The following IL12RB2 variants were observed in gnomAD, a reference collection of about 807,000 sequenced individuals.
The protein encoded by IL12RB2 is interleukin 12 receptor subunit beta 2.
Under a neutral mutation model 89.4 loss-of-function variants are expected in IL12RB2, and 82 were observed. The observed-to-expected ratio is 0.92, with a 90% CI of 0.77 to 1.10. The LOEUF (loss-of-function observed/expected upper bound fraction) is 1.10. IL12RB2 is among the 50% of genes least tolerant of loss of function. The probability of loss-of-function intolerance (pLI) is 0.00; values close to 1 mark genes in which losing one functional copy is unlikely to be tolerated. For synonymous variants in IL12RB2, 368 were observed against 370.1 expected (o/e 0.99, Z 0.07); for missense variants, 963 against 1,031.9 (o/e 0.93, Z 0.92).
At position 67,339,941 on chromosome 1, in the gene IL12RB2, A is replaced by G. The variant is rs1659335554; in HGVS notation, c.1038+1238A>G. Among the ~76,000 whole-genome samples, 3 of 152,138 alleles carry G rather than the reference A, an allele frequency of 2.0e-5. No homozygotes were observed. The South Asian group carries it at 6.2e-4, about 32-fold the overall frequency. On this transcript the variant is annotated intron_variant, in intron 9 of 16. Transcript: ENST00000674203. ...GGTTTCCTGGTGAACTGCACTCTTTATTTCTCAGGACTCACATCCTCTTCA... is the reference window on the plus strand; with the variant it reads ...GGTTTCCTGGTGAACTGCACTCTTTGTTTCTCAGGACTCACATCCTCTTCA...
At chr1:67,374,476 CTT>C (rs34836285) in intron 13 of IL12RB2, among the ~76,000 whole-genome samples, 16 of 136,510 alleles carry the variant, frequency 1.2e-4, no homozygotes, top group Admixed American at 1.5e-4. Context: ...TCTGTTTATT[CTT>C]TTTTTTTTTT....
Position 67,326,829 on chromosome 1 carries a change from A to G in IL12RB2, c.459A>G (p.Leu153=). 6.2e-7 allele frequency: 1 copy of G among 1,613,448 alleles called. No homozygotes were observed. The highest frequency in any genetic ancestry group is 8.5e-7 in the Non-Finnish European group (1 of 1,179,556). The part of the protein sequence containing the change: ...CTWERGRDTH[L]YTEYTLQLSG... Reference sequence around the variant, plus strand: ...GGGAAAGAGGACGAGACACCCACTTATACACTGAGTATACTCTACAGTGAG... The same window carrying G: ...GGGAAAGAGGACGAGACACCCACTTGTACACTGAGTATACTCTACAGTGAG... Residue 153 remains leucine, a synonymous_variant, in exon 5 of 17, where the codon TTA becomes TTG. Transcript: ENST00000674203.
At chr1:67,334,533 C>T (rs1006805809) in intron 8 of IL12RB2, among the ~76,000 whole-genome samples, 4 of 152,214 alleles carry the variant, frequency 2.6e-5, no homozygotes, top group Non-Finnish European at 4.4e-5. Flanking sequence ...TGCTGGAGTG[C>T]AGTGGTGCGA....
chr1:67,395,970 C>T lies in IL12RB2; in HGVS notation c.2470C>T (p.Pro824Ser). The T allele has an allele frequency of 6.2e-7, 1 of 1,605,752 alleles. No individual in the cohort carries two copies. The highest frequency in any genetic ancestry group is 2.2e-5 in the East Asian group (1 of 44,844). ...PLADSLEELEPQHISLSVFPS... is the reference protein window; with the variant it reads ...PLADSLEELESQHISLSVFPS... The stretch of plus-strand genomic sequence containing the variant: ...CGCTGACTCTCTGGAAGAACTGGAG[C>T]CTCAGCACATCTCCCTTTCTGTTTT... Residue 824 changes from proline to serine, a missense_variant, in exon 17 of 17, where the codon CCT becomes TCT. Pro to Ser is a moderately conservative substitution (Grantham distance 74). Transcript: ENST00000674203.
At chr1:67,337,553 A>G (rs928668846) in intron 8 of IL12RB2, among the ~76,000 whole-genome samples, 3 of 152,202 alleles carry the variant, frequency 2.0e-5, no homozygotes, top group Non-Finnish European at 4.4e-5. Context: ...ATATTTGACC[A>G]TTGTCTTACA....
chr1:67,312,466 G>A (rs1655200098), intron 1 of IL12RB2, among the ~76,000 whole-genome samples: 2 of 152,028 alleles, frequency 1.3e-5, no homozygotes, highest in Admixed American at 1.3e-4. Flanking sequence ...TCAATCTATA[G>A]GATAAAATAG....
intron 15 of IL12RB2, among the ~76,000 whole-genome samples, chr1:67,388,505 C>T (rs530529947): frequency 2.0e-4 from 30 of 152,224 alleles, no homozygotes; most frequent in Middle Eastern, 6.8e-3. Context: ...GCCACCACGC[C>T]CAGCTACTTT....
chr1:67,335,589 A>G (rs1273199946), intron 8 of IL12RB2, among the ~76,000 whole-genome samples: 1 of 152,036 alleles, frequency 6.6e-6, no homozygotes, highest in Non-Finnish European at 1.5e-5. Flanking sequence ...ATGCTTAGTC[A>G]TTTGTACCCA....
intron 13 of IL12RB2, among the ~76,000 whole-genome samples, chr1:67,379,098 G>A (rs1664290297): frequency 6.6e-6 from 1 of 151,520 alleles, no homozygotes; most frequent in Non-Finnish European, 1.5e-5. Context: ...TTGGGAGGCT[G>A]AGGCAGGAGA....
At chr1:67,374,239 T>C (rs1341180999) in intron 13 of IL12RB2, among the ~76,000 whole-genome samples, 2 of 152,214 alleles carry the variant, frequency 1.3e-5, no homozygotes, top group African/African-American at 4.8e-5. Context: ...GGGCTTATGG[T>C]CATTTGTTGA....
At chr1:67,371,872 A>G (rs1449300321) in intron 11 of IL12RB2, among the ~76,000 whole-genome samples, 1 of 152,218 alleles carries the variant, frequency 6.6e-6, no homozygotes. Flanking sequence ...CACCCTGGTT[A>G]GTTATGCCTG....
At chr1:67,368,170 A>C (rs142091341) in intron 11 of IL12RB2, 145 bp downstream of exon 11, 2 of 688,096 alleles carry the variant, frequency 2.9e-6, no homozygotes, top group African/African-American at 1.8e-5. Context: ...ACCCAGCAGC[A>C]CTTTAGACTA....
chr1:67,312,619 C>A (rs1655220700), intron 1 of IL12RB2, among the ~76,000 whole-genome samples: 2 of 79,684 alleles, frequency 2.5e-5, no homozygotes, highest in African/African-American at 5.0e-5. Context: ...TTGACAGAAA[C>A]AACATTCCAG....
chr1:67,330,231 T>G (rs1046279189), intron 7 of IL12RB2, among the ~76,000 whole-genome samples: 2 of 151,534 alleles, frequency 1.3e-5, no homozygotes, highest in African/African-American at 4.9e-5. Flanking sequence ...GTCCCACAGA[T>G]AGCTGATATT....
chr1:67,389,820 GGTTT>G (rs992616607), intron 15 of IL12RB2, among the ~76,000 whole-genome samples: 2 of 152,120 alleles, frequency 1.3e-5, no homozygotes, highest in Non-Finnish European at 2.9e-5. Context: ...AAAGTTCCAT[GGTTT>G]ATTTAGCAAA....
chr1:67,386,480 G>A (rs1286720118), intron 14 of IL12RB2, 99 bp from the exon 15 acceptor site: 6 of 839,706 alleles, frequency 7.1e-6, no homozygotes, highest in South Asian at 1.3e-5. Flanking sequence ...AGCTGCCCAG[G>A]AACTGTGGGT....
chr1:67,334,426 A>T (rs182094485), intron 8 of IL12RB2, among the ~76,000 whole-genome samples: 37 of 152,376 alleles, frequency 2.4e-4, no homozygotes, highest in Middle Eastern at 3.4e-3. Context: ...AACTTTATTT[A>T]TGTATGCTGA....
intron 10 of IL12RB2, among the ~76,000 whole-genome samples, chr1:67,354,909 G>A (rs1006095483): frequency 2.0e-5 from 3 of 152,210 alleles, no homozygotes; most frequent in Non-Finnish European, 2.9e-5. Context: ...ACCTGCCATA[G>A]CATTGTATAT....
At chr1:67,374,918 G>T (rs1663798136) in intron 13 of IL12RB2, among the ~76,000 whole-genome samples, 1 of 150,202 alleles carries the variant, frequency 6.7e-6, no homozygotes, top group African/African-American at 2.5e-5. Context: ...CAAATCTGAT[G>T]ACTCTAAAGC....
Sources: allele counts gnomAD v4.1 joint callset (sites outside exome capture counted in the v4.1 genomes callset), GRCh38; gene constraint gnomAD v4.1.1; transcripts MANE v1.5; gene names NCBI Gene and HGNC (gene_info 2026-07-23, HGNC 2026-07-21).